The following SWT1 variants were observed in gnomAD, a reference collection of about 807,000 sequenced individuals.
SWT1 encodes the protein SWT1 RNA endoribonuclease homolog, also known as transcriptional protein SWT1.
A neutral mutation model predicts 107.3 loss-of-function variants in SWT1; 33 were observed. The observed-to-expected ratio is 0.31, with a 90% CI of 0.23 to 0.41. The LOEUF is 0.41. Ranked by LOEUF, SWT1 falls within the 10% of genes least tolerant of loss-of-function variation. The pLI is 1.00. For missense variants in SWT1, 898 were observed against 1,028.9 expected (o/e 0.87, Z 1.74); for synonymous variants, 345 against 348.3 (o/e 0.99, Z 0.11).
intron 18 of SWT1, among the ~76,000 whole-genome samples, chr1:185,286,570 TTTA>T (rs1424973788): frequency 2.0e-5 from 3 of 152,112 alleles, no homozygotes; most frequent in African/African-American, 7.2e-5. Context: ...TCCCGAGTAT[TTTA>T]TTATTTTTGA....
chr1:185,201,593 C>T (rs1290675270), intron 10 of SWT1, among the ~76,000 whole-genome samples: 1 of 152,142 alleles, frequency 6.6e-6, no homozygotes, highest in East Asian at 1.9e-4. Flanking sequence ...TTTGTCTAAC[C>T]AGTCCCAATG....
chr1:185,170,154 C>G (rs1654924973), intron 4 of SWT1, among the ~76,000 whole-genome samples: 1 of 152,188 alleles, frequency 6.6e-6, no homozygotes, highest in South Asian at 2.1e-4. Flanking sequence ...ACTCTCAGAG[C>G]ACAACAGTTT....
At chr1:185,172,280 C>T (rs1308512886) in intron 4 of SWT1, among the ~76,000 whole-genome samples, 1 of 152,108 alleles carries the variant, frequency 6.6e-6, no homozygotes, top group African/African-American at 2.4e-5. Flanking sequence ...ATTTTAGCAC[C>T]TTTCTGGCCT....
intron 4 of SWT1, among the ~76,000 whole-genome samples, chr1:185,170,585 C>G (rs1654964219): frequency 6.6e-6 from 1 of 152,220 alleles, no homozygotes; most frequent in Admixed American, 6.5e-5. Flanking sequence ...GAGGCCACAT[C>G]TGGAAGCTCT....
In SWT1 at chr1:185,290,744, G is replaced by C; in HGVS notation, c.2644G>C (p.Val882Leu). The stretch of plus-strand genomic sequence containing the variant: ...TACCATGCAGCAGTGCAATGCATCT[G>C]TTTATATGGAGGCCAAAAACAGGGG... ...EYTMQQCNASVYMEAKNRGWC... is the reference protein window; with the variant it reads ...EYTMQQCNASLYMEAKNRGWC... Residue 882 changes from valine to leucine, a missense_variant, in exon 19 of 19, where the codon GTT (valine) becomes CTT (leucine). Physicochemically the swap from Val to Leu is conservative, Grantham distance 32. Around this residue, in one of 6 missense-constraint regions of SWT1, gnomAD observed 382 missense variants for 460.0 expected, o/e 0.83. Coordinates refer to ENST00000367500, the MANE Select transcript of SWT1 (RefSeq NM_017673.7). 1.2e-6 allele frequency: 2 copies of C among 1,612,092 alleles called. No homozygotes were observed. The highest frequency in any genetic ancestry group is 1.7e-6 in the Non-Finnish European group (2 of 1,178,712).
intron 4 of SWT1, among the ~76,000 whole-genome samples, chr1:185,171,162 A>G (rs543964945): frequency 0.011 from 644 of 61,286 alleles, 8 homozygotes; most frequent in African/African-American, 0.04. Context: ...TCAAACAGGA[A>G]AAAAAAAAAA....
chr1:185,281,565 C>T, intron 18 of SWT1: 1 of 243,024 alleles, frequency 4.1e-6, no homozygotes, highest in South Asian at 5.2e-5. Context: ...AACCTGCTGC[C>T]AGATGTCAGC....
At chr1:185,261,699 C>A (rs1663030422) in intron 16 of SWT1, among the ~76,000 whole-genome samples, 1 of 150,232 alleles carries the variant, frequency 6.7e-6, no homozygotes, top group South Asian at 2.1e-4. Context: ...AAATAGTAGT[C>A]ATCCTAATGG....
Position 185,233,877 on chromosome 1 carries a change from G to A in SWT1, c.2441+2169G>A, listed in dbSNP as rs1660672436. ...TCCTGCCTCAGCCTCCCAAGTAGCTGGGACTACAGGCACCCGCCACCATGC... is the reference window on the plus strand; with the variant it reads ...TCCTGCCTCAGCCTCCCAAGTAGCTAGGACTACAGGCACCCGCCACCATGC... On this transcript the variant is annotated intron_variant, in intron 16 of 18. Coordinates refer to ENST00000367500, the MANE Select transcript of SWT1 (RefSeq NM_017673.7). Among the ~76,000 whole-genome samples, 3 of 152,212 alleles carry A rather than the reference G, an allele frequency of 2.0e-5. No individual in the cohort carries two copies. In the South Asian group the frequency reaches 6.2e-4, roughly 32 times the overall value.
intron 2 of SWT1, among the ~76,000 whole-genome samples, chr1:185,165,529 A>G (rs899617162): frequency 3.3e-5 from 5 of 152,198 alleles, no homozygotes; most frequent in Admixed American, 6.5e-5. Context: ...ATAGTTTCCA[A>G]AATAACCTCC....
At chr1:185,252,653 C>G (rs1168781129) in intron 16 of SWT1, among the ~76,000 whole-genome samples, 1 of 151,804 alleles carries the variant, frequency 6.6e-6, no homozygotes, top group Non-Finnish European at 1.5e-5. Flanking sequence ...TGTAAATTTG[C>G]TTGAGTTCAT....
At chr1:185,263,985 T>C (rs1663206639) in intron 16 of SWT1, 1 of 152,164 alleles carries the variant, frequency 6.6e-6, no homozygotes, top group Non-Finnish European at 1.5e-5. Context: ...CAAATTTCAG[T>C]AATATGGCTG....
At chr1:185,206,115 G>C (rs1658312805) in intron 12 of SWT1, among the ~76,000 whole-genome samples, 1 of 151,874 alleles carries the variant, frequency 6.6e-6, no homozygotes, top group Non-Finnish European at 1.5e-5. Flanking sequence ...TCTGCCACCA[G>C]GCCCAGCTAA....
In SWT1 at chr1:185,227,201, A is replaced by T. The variant is rs142299269; in HGVS notation, c.2310-4376A>T. 8.5e-4 allele frequency: 724 copies of T among 849,330 alleles called. 4 individuals carry two copies. The African/African-American group carries it at 0.011, about 13-fold the overall frequency. 52.6% of individuals were successfully genotyped at this position (849,330 alleles called of 1,614,324 possible). On this transcript the variant is annotated intron_variant, in intron 15 of 18. Coordinates refer to ENST00000367500, the MANE Select transcript of SWT1 (RefSeq NM_017673.7). Reference sequence around the variant, plus strand: ...GAGGGATAGACAAGCATCCATCCACAGCTCCCTTCAGGGTGCTAAAAACTT... The same window carrying T: ...GAGGGATAGACAAGCATCCATCCACTGCTCCCTTCAGGGTGCTAAAAACTT...
intron 16 of SWT1, among the ~76,000 whole-genome samples, chr1:185,239,006 G>A (rs2102600574): frequency 6.6e-6 from 1 of 152,176 alleles, no homozygotes; most frequent in East Asian, 1.9e-4. Context: ...GTTTTGAGAT[G>A]CATGCTCAGT....
chr1:185,239,842 A>G (rs933898767), intron 16 of SWT1, among the ~76,000 whole-genome samples: 1 of 152,110 alleles, frequency 6.6e-6, no homozygotes, highest in Non-Finnish European at 1.5e-5. Flanking sequence ...TGCTTAGTAT[A>G]TAAAGATGAT....
intron 10 of SWT1, among the ~76,000 whole-genome samples, chr1:185,200,188 A>G: frequency 6.6e-6 from 1 of 152,208 alleles, no homozygotes; most frequent in South Asian, 2.1e-4. Context: ...GCATTGAGTT[A>G]GAACATGCTC....
rs181485049 is a variant in SWT1, at chr1:185,172,595, A to T, written c.225-1777A>T. On this transcript the variant is annotated intron_variant, in intron 4 of 18. Coordinates refer to ENST00000367500, the MANE Select transcript of SWT1 (RefSeq NM_017673.7). ...TTTCTAAAATGAGAATTTCAGATGT[A>T]AAAAAATGACCATTTTTAGAGTTTT... is the stretch of plus-strand genomic sequence containing the variant. 1.6e-4 allele frequency among the ~76,000 whole-genome samples: 25 copies of T among 152,278 alleles called. No individual in the cohort carries two copies. In the East Asian group the frequency reaches 4.1e-3, roughly 25 times the overall value.
chr1:185,253,844 C>A (rs990205927), intron 16 of SWT1, among the ~76,000 whole-genome samples: 3 of 151,470 alleles, frequency 2.0e-5, no homozygotes, highest in Non-Finnish European at 1.5e-5. Flanking sequence ...AGAGGGCATC[C>A]CTGTCTTGTG....
Sources: gnomAD v4.1 joint callset for allele counts (sites outside exome capture counted in the v4.1 genomes callset) on GRCh38, gnomAD v4.1.1 for gene constraint, gnomAD v4.1.1 regional missense constraint, MANE v1.5 for transcripts, NCBI Gene and HGNC (gene_info 2026-07-23, HGNC 2026-07-21) for gene names.